SPATA13: variants seen among roughly 807,000 people sequenced by gnomAD.
The protein encoded by SPATA13 is spermatogenesis associated 13, also known as spermatogenesis-associated protein 13.
A neutral mutation model predicts 104.0 loss-of-function variants in SPATA13; 50 were observed. The ratio of observed to expected loss-of-function variants is 0.48; its 90% CI spans 0.38 to 0.61. SPATA13 has a LOEUF of 0.61. Ranked by LOEUF, SPATA13 falls within the 20% of genes least tolerant of loss-of-function variation. The pLI, the probability that SPATA13 is intolerant of heterozygous loss-of-function variation, is 0.00. For synonymous variants in SPATA13, 606 were observed against 667.5 expected (o/e 0.91, Z 1.42); for missense variants, 1,524 against 1,690.6 (o/e 0.90, Z 1.73).
chr13:24,265,043 G>C (rs755039932), intron 4 of SPATA13, among the ~76,000 whole-genome samples: 1 of 152,196 alleles, frequency 6.6e-6, no homozygotes, highest in Non-Finnish European at 1.5e-5. Context: ...GAAAGCAGTT[G>C]CTTTGAAGGC....
At chr13:24,272,592 G>A (rs1874694048) in intron 4 of SPATA13, 1 of 152,274 alleles carries the variant, frequency 6.6e-6, no homozygotes, top group South Asian at 2.1e-4. Flanking sequence ...GTGGCTCCCA[G>A]GAGGACGCCA....
intron 1 of SPATA13, among the ~76,000 whole-genome samples, chr13:24,184,659 T>A (rs2255669): frequency 0.72 from 108,784 of 152,014 alleles, 39,079 homozygotes; most frequent in Non-Finnish European, 0.75. Flanking sequence ...GGAGTTTTGT[T>A]TTCTGTGCAG....
intron 3 of SPATA13, among the ~76,000 whole-genome samples, chr13:24,082,826 CAAAAA>C (rs3075296): frequency 6.0e-5 from 3 of 50,042 alleles, no homozygotes; most frequent in African/African-American, 8.6e-5. Context: ...GACTCCGTCT[CAAAAA>C]AAAAAAAAAA....
intron 3 of SPATA13, among the ~76,000 whole-genome samples, chr13:24,026,769 G>A (rs1175544662): frequency 6.6e-6 from 1 of 151,876 alleles, no homozygotes. Context: ...AGTGGAGACG[G>A]GTTTTCACCG....
chr13:24,166,593 A>G (rs1240072697), intron 1 of SPATA13, among the ~76,000 whole-genome samples: 2 of 152,172 alleles, frequency 1.3e-5, no homozygotes, highest in Non-Finnish European at 2.9e-5. Context: ...TAGCATCAGC[A>G]ACACTTGGGG....
intron 2 of SPATA13, among the ~76,000 whole-genome samples, chr13:24,016,216 G>A (rs9510995): frequency 0.31 from 46,771 of 151,906 alleles, 7,702 homozygotes; most frequent in East Asian, 0.62. Flanking sequence ...TGTGAGGGGT[G>A]GAGGCCAGTG....
In SPATA13 at chr13:24,011,151, A is replaced by T. The variant is rs1364470373; in HGVS notation, c.-146-6516A>T. Reference sequence around the variant, plus strand: ...GCCCCTCCCTGTAGAGCCACACTGCAGGAAAACAAGGCTGCTTCAGCCCAG... The same window carrying T: ...GCCCCTCCCTGTAGAGCCACACTGCTGGAAAACAAGGCTGCTTCAGCCCAG... On this transcript the variant is annotated intron_variant, in intron 2 of 14. Transcript: ENST00000424834. This position sits in a 1 kb window ranked among gnomAD's most constrained non-coding sequence, Gnocchi z 4.3. Among the ~76,000 whole-genome samples the T allele has an allele frequency of 2.0e-5, 3 of 152,018 alleles. No individual in the cohort carries two copies. Among genetic ancestry groups the T allele is most frequent in the Non-Finnish European group, 2.9e-5 (2 of 67,982 alleles).
chr13:24,103,350 G>A (rs1223646069), intron 3 of SPATA13, among the ~76,000 whole-genome samples: 1 of 151,878 alleles, frequency 6.6e-6, no homozygotes, highest in Non-Finnish European at 1.5e-5. Context: ...GCTGGGTGCG[G>A]TGGCTTGCAC....
At chr13:24,180,099 A>G (rs1868703039) in intron 1 of SPATA13, among the ~76,000 whole-genome samples, 1 of 151,924 alleles carries the variant, frequency 6.6e-6, no homozygotes, top group African/African-American at 2.4e-5. Flanking sequence ...GGCCGTGAAG[A>G]TTTTCTCCCT....
intron 3 of SPATA13, among the ~76,000 whole-genome samples, chr13:24,071,097 T>C (rs1291825237): frequency 6.6e-6 from 1 of 152,252 alleles, no homozygotes; most frequent in African/African-American, 2.4e-5. Flanking sequence ...GGGAGGACTT[T>C]AGTATGACCA....
intron 3 of SPATA13, among the ~76,000 whole-genome samples, chr13:24,083,087 A>G (rs576844819): frequency 1.3e-5 from 2 of 152,332 alleles, no homozygotes; most frequent in East Asian, 3.9e-4. Context: ...TCATTTGCTT[A>G]ATAAAAACTT....
intron 1 of SPATA13, among the ~76,000 whole-genome samples, chr13:24,188,105 C>T (rs4511384): frequency 0.73 from 111,421 of 151,782 alleles, 45,445 homozygotes; most frequent in Non-Finnish European, 0.91. Flanking sequence ...CTTTGGGAGG[C>T]CAAGGCGGGC....
chr13:24,139,502 G>A (rs1881682818), intron 3 of SPATA13, among the ~76,000 whole-genome samples: 1 of 152,214 alleles, frequency 6.6e-6, no homozygotes, highest in Non-Finnish European at 1.5e-5. Flanking sequence ...TTGCAGAGGA[G>A]AATCTTTGTA....
intron 12 of SPATA13, 108 bp downstream of exon 12, chr13:24,300,583 A>G: frequency 1.0e-6 from 1 of 999,718 alleles, no homozygotes; most frequent in Non-Finnish European, 1.6e-6. Context: ...CAAGGAGAAC[A>G]GTAGAAGTTA....
intron 3 of SPATA13, among the ~76,000 whole-genome samples, chr13:24,099,011 G>T (rs2137799715): frequency 1.3e-5 from 2 of 152,222 alleles, no homozygotes; most frequent in East Asian, 3.9e-4. Flanking sequence ...GTTGAGCTGA[G>T]GAGTTTGAGG....
At chr13:24,092,732 G>C (rs112009068) in intron 3 of SPATA13, among the ~76,000 whole-genome samples, 2,884 of 152,210 alleles carry the variant, frequency 0.019, 108 homozygotes, top group African/African-American at 0.065. Flanking sequence ...TTGGCAGCTT[G>C]CTATTTCTAC....
At chr13:24,129,878 G>T (rs1365245433) in intron 3 of SPATA13, among the ~76,000 whole-genome samples, 1 of 152,214 alleles carries the variant, frequency 6.6e-6, no homozygotes, top group South Asian at 2.1e-4. Flanking sequence ...TGGGACAAGG[G>T]TGGGGGATTA....
intron 3 of SPATA13, among the ~76,000 whole-genome samples, chr13:24,041,619 C>A (rs1877933005): frequency 6.7e-6 from 1 of 149,312 alleles, no homozygotes; most frequent in African/African-American, 2.6e-5. Flanking sequence ...GAAATGTTTT[C>A]TTTTCATTCT....
Position 24,297,468 on chromosome 13 carries a change from C to T in SPATA13, c.3316C>T (p.His1106Tyr), listed in dbSNP as rs935000938. The change falls in exon 11 of 13, where the codon CAC becomes TAC. Residue 1106 changes from histidine to tyrosine, a missense_variant. By Grantham distance (83) the His-to-Tyr change is moderately conservative. This residue lies in a region of SPATA13 where 435 missense variants were observed against 554.8 expected (regional missense o/e 0.78). Coordinates refer to ENST00000382108, the MANE Select transcript of SPATA13 (RefSeq NM_001166271.3). ...GCAGCGGACGTTCTTCCTGTTTGAC[C>T]ACCAGCTGGTGTCCTGCAAGAAGGA... ...SQQRTFFLFD[H>Y]QLVSCKKDLL... The T allele has an allele frequency of 1.2e-5, 19 of 1,614,060 alleles. No homozygotes were observed. The highest frequency in any genetic ancestry group is 1.6e-5 in the Non-Finnish European group (19 of 1,180,046).
Sources: gnomAD v4.1 joint callset for allele counts (sites outside exome capture counted in the v4.1 genomes callset) on GRCh38, gnomAD v4.1.1 for gene constraint, gnomAD v4.1.1 regional missense constraint, Gnocchi (gnomAD v3.1) non-coding constraint, MANE v1.5 for transcripts, NCBI Gene and HGNC (gene_info 2026-07-23, HGNC 2026-07-21) for gene names.